Variants in DENND1B observed in about 807,000 individuals in gnomAD.
DENND1B encodes DENN domain-containing protein 1B.
DENND1B carries 59 observed loss-of-function variants against 90.1 expected under a neutral mutation model. That is an observed-to-expected ratio of 0.65 (90% CI 0.53 to 0.81). DENND1B has a LOEUF of 0.81. Among genes scored for constraint, DENND1B ranks in the 40% least tolerant of loss-of-function variants. The pLI is 0.00. For synonymous variants in DENND1B, 337 were observed against 324.6 expected (o/e 1.04, Z -0.41); for missense variants, 862 against 912.6 (o/e 0.94, Z 0.71).
At chr1:197,614,031 C>CTT (rs34399290) in intron 11 of DENND1B, among the ~76,000 whole-genome samples, 4 of 137,078 alleles carry the variant, frequency 2.9e-5, no homozygotes, top group African/African-American at 5.3e-5. Context: ...TCTAGGAAAA[C>CTT]TTTTTTTTTT....
chr1:197,529,634 A>C (rs968418097), intron 20 of DENND1B, among the ~76,000 whole-genome samples: 1 of 152,110 alleles, frequency 6.6e-6, no homozygotes, highest in Non-Finnish European at 1.5e-5. Flanking sequence ...CGCATGGCTA[A>C]TATGGAGCAA....
chr1:197,506,244 T>C lies in DENND1B; in HGVS notation c.*4216A>G, dbSNP rs770681348. On this transcript the variant is annotated 3_prime_UTR_variant, in exon 23 of 23. Transcript: ENST00000620048. Reference sequence around the variant, plus strand: ...TAAAATATTCTTCTGTCTAAATGTATATAATTCCTTATTTCTTCATCAAAT... The same window carrying C: ...TAAAATATTCTTCTGTCTAAATGTACATAATTCCTTATTTCTTCATCAAAT... 8 of 151,590 alleles carry C rather than the reference T, an allele frequency of 5.3e-5. No homozygotes were observed. The highest frequency in any genetic ancestry group is 8.9e-5 in the Non-Finnish European group (6 of 67,642). 9.4% of individuals were successfully genotyped at this position (151,590 alleles called of 1,614,324 possible).
chr1:197,668,657 T>C (rs780975881), intron 5 of DENND1B, among the ~76,000 whole-genome samples: 1 of 151,626 alleles, frequency 6.6e-6, no homozygotes, highest in Non-Finnish European at 1.5e-5. Flanking sequence ...CAAGTACATA[T>C]ACATTGTGGA....
intron 15 of DENND1B, among the ~76,000 whole-genome samples, chr1:197,575,891 T>C (rs1031331695): frequency 3.3e-5 from 5 of 152,020 alleles, no homozygotes; most frequent in African/African-American, 4.8e-5. Context: ...ATGAGAACAC[T>C]TGGACACAGG....
chr1:197,577,390 CT>C (rs1400253120), intron 15 of DENND1B, among the ~76,000 whole-genome samples: 1 of 152,106 alleles, frequency 6.6e-6, no homozygotes, highest in Admixed American at 6.6e-5. Context: ...ACCCCCCATA[CT>C]CTTTAAAAAA....
At chr1:197,707,032 G>A (rs1398830503) in intron 3 of DENND1B, among the ~76,000 whole-genome samples, 1 of 151,912 alleles carries the variant, frequency 6.6e-6, no homozygotes, top group Middle Eastern at 3.2e-3. Context: ...ACAAATGAAT[G>A]GATTAAAAAA....
At chr1:197,765,641 C>A (rs1655611668) in intron 2 of DENND1B, among the ~76,000 whole-genome samples, 1 of 152,184 alleles carries the variant, frequency 6.6e-6, no homozygotes, top group South Asian at 2.1e-4. Context: ...AACAAACTTG[C>A]ACTGTGGCAA....
intron 20 of DENND1B, among the ~76,000 whole-genome samples, chr1:197,521,177 G>A (rs778610982): frequency 2.0e-5 from 3 of 151,938 alleles, no homozygotes; most frequent in Non-Finnish European, 4.4e-5. Flanking sequence ...TGTCTGAGGA[G>A]ATCTCAAGAA....
intron 20 of DENND1B, among the ~76,000 whole-genome samples, chr1:197,517,381 C>T (rs533203470): frequency 5.3e-4 from 81 of 151,926 alleles, no homozygotes; most frequent in Non-Finnish European, 9.1e-4. Flanking sequence ...CCTAGGGTTC[C>T]CTTTGTTCTA....
chr1:197,558,706 T>C (rs554285008), intron 15 of DENND1B, among the ~76,000 whole-genome samples: 1 of 151,862 alleles, frequency 6.6e-6, no homozygotes, highest in Non-Finnish European at 1.5e-5. Flanking sequence ...AGATAAATAT[T>C]TTCAAGCAGC....
intron 5 of DENND1B, among the ~76,000 whole-genome samples, chr1:197,668,966 C>T (rs1304871705): frequency 3.9e-5 from 6 of 152,002 alleles, no homozygotes; most frequent in Non-Finnish European, 5.9e-5. Context: ...TTTTTACCCT[C>T]AGCAATGCTG....
intron 2 of DENND1B, among the ~76,000 whole-genome samples, chr1:197,726,759 T>G (rs1427135493): frequency 6.6e-6 from 1 of 152,018 alleles, no homozygotes; most frequent in Non-Finnish European, 1.5e-5. Flanking sequence ...ACTCAAGAGG[T>G]TATCAAGCTG....
At chr1:197,543,274 T>C (rs12118913) in intron 18 of DENND1B, among the ~76,000 whole-genome samples, 27,289 of 152,126 alleles carry the variant, frequency 0.18, 2,978 homozygotes, top group Middle Eastern at 0.37. Context: ...TTTACTTCCT[T>C]GCAGAGAAGA....
intron 2 of DENND1B, among the ~76,000 whole-genome samples, chr1:197,754,682 A>G (rs923139807): frequency 7.3e-6 from 1 of 136,190 alleles, no homozygotes; most frequent in Non-Finnish European, 1.6e-5. Flanking sequence ...AAAAAAAAAA[A>G]AAAAAACTGA....
chr1:197,577,083 C>G (rs917541710), intron 15 of DENND1B, among the ~76,000 whole-genome samples: 2 of 151,428 alleles, frequency 1.3e-5, no homozygotes, highest in Non-Finnish European at 2.9e-5. Flanking sequence ...AATATAGGCA[C>G]AGAAAAAAAG....
intron 18 of DENND1B, among the ~76,000 whole-genome samples, chr1:197,544,999 GAAGACGACGACGACGACGACGAAAGA>G (rs1571818997): frequency 7.4e-6 from 1 of 135,172 alleles, no homozygotes; most frequent in Admixed American, 7.3e-5. Context: ...AAGGAAGAAG[GAAGACGACGACGACGACGACGAAAGA>G]AGGAGGAGAA....
In DENND1B at chr1:197,507,707, T is replaced by C. The variant is rs184284657; in HGVS notation, c.*2753A>G. 1.6e-4 allele frequency: 25 copies of C among 151,724 alleles called. No homozygotes were observed. The highest frequency in any genetic ancestry group is 1.3e-3 in the Admixed American group (20 of 15,196). 9.4% of individuals were successfully genotyped at this position (151,724 alleles called of 1,614,324 possible). ...TTACAAATATTTGATTTAGTTACCA[T>C]AGAAAATATGGGCACTGTAGAATAT... On this transcript the variant is annotated 3_prime_UTR_variant, in exon 23 of 23. Coordinates refer to ENST00000620048, the MANE Select transcript of DENND1B (RefSeq NM_001195215.2).
chr1:197,774,377 A>G (rs1657003228), intron 1 of DENND1B: 1 of 152,234 alleles, frequency 6.6e-6, no homozygotes, highest in Non-Finnish European at 1.5e-5. Context: ...TGGGTAAGCG[A>G]AGTAAAAAGG....
chr1:197,625,667 T>C (rs1045477217), intron 10 of DENND1B, among the ~76,000 whole-genome samples: 6 of 151,950 alleles, frequency 3.9e-5, no homozygotes, highest in African/African-American at 1.4e-4. Context: ...CATAACAATA[T>C]TAACTTTAAA....
Sources: allele counts gnomAD v4.1 joint callset (sites outside exome capture counted in the v4.1 genomes callset), GRCh38; gene constraint gnomAD v4.1.1; transcripts MANE v1.5; gene names NCBI Gene and HGNC (gene_info 2026-07-23, HGNC 2026-07-21).